GSE1: variants seen among roughly 807,000 people sequenced by gnomAD.
GSE1 encodes the protein genetic suppressor element 1.
In GSE1, 32 loss-of-function variants were observed where a neutral mutation model predicts 112.6. The observed-to-expected ratio is 0.28, with a 90% CI of 0.21 to 0.38. GSE1 has a LOEUF of 0.38. Ranked by LOEUF, GSE1 falls within the 10% of genes least tolerant of loss-of-function variation. GSE1 has a pLI of 1.00. For missense variants in GSE1, 2,348 were observed against 1,699.2 expected (o/e 1.38, Z -6.71); for synonymous variants, 1,115 against 735.6 (o/e 1.52, Z -8.35).
At chr16:85,564,664 C>T (rs1249947873) in intron 1 of GSE1, among the ~76,000 whole-genome samples, 1 of 152,148 alleles carries the variant, frequency 6.6e-6, no homozygotes, top group African/African-American at 2.4e-5. Context: ...GGCTCTGAAG[C>T]CTGTGCGTCC....
intron 8 of GSE1, 128 bp from the exon 9 acceptor site, chr16:85,661,018 C>T: frequency 4.0e-6 from 3 of 758,018 alleles, no homozygotes; most frequent in Non-Finnish European, 6.5e-6. Flanking sequence ...CCCTGCAGCC[C>T]TGTTGGCACT....
In GSE1 at chr16:85,665,062, C is replaced by A; in HGVS notation, c.2692C>A (p.Leu898Met). The change falls in exon 12 of 16, where the codon CTG (leucine) becomes ATG (methionine). Residue 898 changes from leucine (L) to methionine (M), a missense_variant. Physicochemically the swap from Leu to Met is conservative, Grantham distance 15 (BLOSUM62 2). Coordinates refer to ENST00000253458, the MANE Select transcript of GSE1 (RefSeq NM_014615.5). ...EMLRAMKQKA[L>M]SAAVADSLTN... ...GCTCCGTGCCATGAAGCAGAAGGCA[C>A]TGTCAGCAGCAGTGGCCGACTCCTT... 1 of 1,612,996 alleles carries A rather than the reference C, an allele frequency of 6.2e-7. No homozygotes were observed. The highest frequency in any genetic ancestry group is 8.5e-7 in the Non-Finnish European group (1 of 1,179,166).
Position 85,428,857 on chromosome 16 carries a change from G to A in GSE1, c.2464+71214G>A, listed in dbSNP as rs116243684. Reference sequence around the variant, plus strand: ...CTTCCAGTAGACAAACGCCTGGGGGGTCCCTGGTGTTGACAGCAGACCAGT... The same window carrying A: ...CTTCCAGTAGACAAACGCCTGGGGGATCCCTGGTGTTGACAGCAGACCAGT... On this transcript the variant is annotated intron_variant, in intron 2 of 2. Coordinates refer to the GSE1 transcript ENST00000637419. 3.0e-3 allele frequency among the ~76,000 whole-genome samples: 451 copies of A among 152,286 alleles called. 6 individuals carry two copies. The highest frequency in any genetic ancestry group is 0.01 in the African/African-American group (417 of 41,552).
At chr16:85,601,546 C>G (rs1208776786) in intron 1 of GSE1, among the ~76,000 whole-genome samples, 2 of 152,156 alleles carry the variant, frequency 1.3e-5, no homozygotes, top group African/African-American at 2.4e-5. Context: ...TGGGGACCCA[C>G]TGCCTCCACG....
chr16:85,420,925 G>A (rs889326398), intron 2 of GSE1, among the ~76,000 whole-genome samples: 1 of 152,130 alleles, frequency 6.6e-6, no homozygotes, highest in Admixed American at 6.5e-5. Context: ...GTGTGAGACC[G>A]CGCTGTCCTG....
At chr16:85,201,735 G>A (rs1396948135) in intron 1 of GSE1, among the ~76,000 whole-genome samples, 1 of 152,062 alleles carries the variant, frequency 6.6e-6, no homozygotes, top group Admixed American at 6.5e-5. Flanking sequence ...GGTCCTGGCC[G>A]TGCCCCACAG....
At chr16:85,249,693 C>G (rs941723184) in intron 1 of GSE1, among the ~76,000 whole-genome samples, 1 of 152,200 alleles carries the variant, frequency 6.6e-6, no homozygotes, top group African/African-American at 2.4e-5. Flanking sequence ...CGTTGTCCAG[C>G]TGTCCCCGCA....
chr16:85,253,465 G>C (rs949089608), intron 1 of GSE1, among the ~76,000 whole-genome samples: 1 of 152,222 alleles, frequency 6.6e-6, no homozygotes, highest in African/African-American at 2.4e-5. Context: ...CACCTCTGCT[G>C]TCTCCACCTG....
At chr16:85,249,906 A>T (rs1022857978) in intron 1 of GSE1, among the ~76,000 whole-genome samples, 1 of 152,244 alleles carries the variant, frequency 6.6e-6, no homozygotes, top group Non-Finnish European at 1.5e-5. Flanking sequence ...GAAGCTGGTG[A>T]TGCGGCAGGG....
At chr16:85,341,977 G>C (rs2046633102) in intron 1 of GSE1, among the ~76,000 whole-genome samples, 1 of 152,146 alleles carries the variant, frequency 6.6e-6, no homozygotes. Context: ...CAGTGGAATA[G>C]AGACCGGCAG....
At chr16:85,630,963 G>T (rs1473166144) in intron 1 of GSE1, among the ~76,000 whole-genome samples, 1 of 152,210 alleles carries the variant, frequency 6.6e-6, no homozygotes, top group African/African-American at 2.4e-5. Context: ...GTCTTGAGAG[G>T]TGCCCGACTG....
At chr16:85,607,061 GGGGT>G (rs1236272787), upstream of GSE1, among the ~76,000 whole-genome samples, 5 of 151,418 alleles carry the variant, frequency 3.3e-5, no homozygotes, top group African/African-American at 9.8e-5. Flanking sequence ...TGGAGAGCCT[GGGGT>G]GGGGGGGGCG....
intron 1 of GSE1, among the ~76,000 whole-genome samples, chr16:85,561,022 C>G (rs573665580): frequency 6.6e-6 from 1 of 151,868 alleles, no homozygotes; most frequent in Admixed American, 6.6e-5. Context: ...GACCCAGCTA[C>G]TCAGGAGGCT....
intron 1 of GSE1, among the ~76,000 whole-genome samples, chr16:85,180,589 C>T (rs1456995773): frequency 1.3e-5 from 2 of 152,220 alleles, no homozygotes; most frequent in Non-Finnish European, 2.9e-5. Context: ...GTCTCACTGT[C>T]TTATAAGTGG....
At chr16:85,521,480 C>T (rs757359231) in intron 2 of GSE1, among the ~76,000 whole-genome samples, 1 of 152,188 alleles carries the variant, frequency 6.6e-6, no homozygotes, top group Admixed American at 6.5e-5. Flanking sequence ...GCCCAGCCTG[C>T]GGGCATCAAT....
chr16:85,502,922 G>A (rs2051419159), intron 2 of GSE1, among the ~76,000 whole-genome samples: 1 of 152,180 alleles, frequency 6.6e-6, no homozygotes, highest in Admixed American at 6.5e-5. Context: ...GCCCACGGAA[G>A]ACAGAATGCG....
intron 2 of GSE1, among the ~76,000 whole-genome samples, chr16:85,359,671 C>T (rs962321223): frequency 7.2e-5 from 11 of 152,338 alleles, no homozygotes; most frequent in African/African-American, 1.9e-4. Context: ...ATCAGTGAAA[C>T]AGTGTCCTGC....
chr16:85,668,546 A>G (rs2053073860), intron 14 of GSE1, 122 bp downstream of exon 14: 1 of 671,862 alleles, frequency 1.5e-6, no homozygotes, highest in Non-Finnish European at 2.5e-6. Flanking sequence ...CCTGGGGCAC[A>G]GTAGATATGA....
chr16:85,407,832 A>G (rs1158334266), intron 2 of GSE1, among the ~76,000 whole-genome samples: 2 of 4,472 alleles, frequency 4.5e-4, no homozygotes, highest in Non-Finnish European at 7.5e-4. Context: ...TACACTCAGG[A>G]CCCCCCTGGA....
Sources: allele counts gnomAD v4.1 joint callset (sites outside exome capture counted in the v4.1 genomes callset), GRCh38; gene constraint gnomAD v4.1.1; transcripts MANE v1.5; gene names NCBI Gene and HGNC (gene_info 2026-07-23, HGNC 2026-07-21).